The following ATP2B4 variants were observed in gnomAD, a reference collection of about 807,000 sequenced individuals.
ATP2B4 encodes plasma membrane calcium-transporting ATPase 4.
Under a neutral mutation model 110.3 loss-of-function variants are expected in ATP2B4, and 39 were observed. That is an observed-to-expected ratio of 0.35 (90% confidence interval 0.27 to 0.46). ATP2B4 has a LOEUF of 0.46. Ranked by LOEUF, ATP2B4 falls within the 20% of genes least tolerant of loss-of-function variation. The pLI, the probability that ATP2B4 is intolerant of heterozygous loss-of-function variation, is 1.00. For synonymous variants in ATP2B4, 538 were observed against 571.7 expected (o/e 0.94, Z 0.84); for missense variants, 1,135 against 1,530.9 (o/e 0.74, Z 4.32).
intron 8 of ATP2B4, among the ~76,000 whole-genome samples, chr1:203,706,514 G>A (rs769527343): frequency 6.6e-6 from 1 of 152,172 alleles, no homozygotes; most frequent in Non-Finnish European, 1.5e-5. Flanking sequence ...TGATACACTA[G>A]CACCATAGAG....
chr1:203,663,368 C>T (rs1227691678), intron 1 of ATP2B4, among the ~76,000 whole-genome samples: 1 of 152,100 alleles, frequency 6.6e-6, no homozygotes, highest in East Asian at 1.9e-4. Flanking sequence ...CTCCACAACA[C>T]ACCAGGAGGT....
At chr1:203,709,177 G>T (rs1339629768) in intron 10 of ATP2B4, 124 bp from the exon 11 acceptor site, 12 of 1,311,298 alleles carry the variant, frequency 9.2e-6, no homozygotes, top group Non-Finnish European at 1.2e-5. Context: ...AAAAAAAAAT[G>T]TTATTTCCCC....
chr1:203,730,203 C>T (rs1212844506), intron 20 of ATP2B4, among the ~76,000 whole-genome samples: 1 of 134,708 alleles, frequency 7.4e-6, no homozygotes, highest in Admixed American at 7.5e-5. Flanking sequence ...TTTGTTTTTA[C>T]AAGGGATGTT....
intron 1 of ATP2B4, among the ~76,000 whole-genome samples, chr1:203,640,920 G>C (rs1350948071): frequency 1.3e-5 from 2 of 152,194 alleles, no homozygotes; most frequent in East Asian, 3.8e-4. Flanking sequence ...TCGACTAAAT[G>C]CCAGATGCTT....
chr1:203,731,531 A>G (rs1281991752), intron 20 of ATP2B4, among the ~76,000 whole-genome samples: 1 of 152,098 alleles, frequency 6.6e-6, no homozygotes, highest in Non-Finnish European at 1.5e-5. Context: ...GAGTTGATTG[A>G]GGCCCTAGAT....
chr1:203,662,501 T>C (rs1444317694), intron 1 of ATP2B4, among the ~76,000 whole-genome samples: 2 of 152,246 alleles, frequency 1.3e-5, no homozygotes, highest in Admixed American at 6.5e-5. Flanking sequence ...ACCTCCACTC[T>C]ACTTCCTGTC....
intron 1 of ATP2B4, among the ~76,000 whole-genome samples, chr1:203,655,351 G>A (rs1396298770): frequency 7.1e-5 from 1 of 14,122 alleles, no homozygotes; most frequent in African/African-American, 7.8e-5. Context: ...TCATGGGGAT[G>A]TAAAAAAAAA....
At chr1:203,661,644 T>C (rs1664341171) in intron 1 of ATP2B4, among the ~76,000 whole-genome samples, 1 of 152,202 alleles carries the variant, frequency 6.6e-6, no homozygotes, top group Non-Finnish European at 1.5e-5. Context: ...ACTCCCACCA[T>C]TGTCTCCTAC....
At chr1:203,668,901 A>G (rs1664582748) in intron 1 of ATP2B4, among the ~76,000 whole-genome samples, 1 of 152,212 alleles carries the variant, frequency 6.6e-6, no homozygotes, top group Admixed American at 6.6e-5. Flanking sequence ...AGAAGGAGGT[A>G]GGGGAAGGGA....
chr1:203,690,488 G>A lies in ATP2B4; in HGVS notation c.193+7090G>A, dbSNP rs76145314. ...CTTAGAGACCGCTGCTCTAAAGCAC[G>A]GTGGCGTTAGGGGGATGTGGAGGAC... On this transcript the variant is annotated intron_variant, in intron 2 of 20. Coordinates refer to ENST00000357681, the MANE Select transcript of ATP2B4 (RefSeq NM_001684.5). Among the ~76,000 whole-genome samples, 295 of 152,274 alleles carry A rather than the reference G, an allele frequency of 1.9e-3. 6 individuals carry two copies. In the East Asian group the frequency reaches 0.031, roughly 16 times the overall value.
At chr1:203,736,336 C>T (rs1041747050) in intron 20 of ATP2B4, among the ~76,000 whole-genome samples, 8 of 151,998 alleles carry the variant, frequency 5.3e-5, no homozygotes, top group Non-Finnish European at 5.9e-5. Flanking sequence ...AGTGCGGTGG[C>T]GCACGTCTGT....
intron 15 of ATP2B4, among the ~76,000 whole-genome samples, chr1:203,719,107 C>T (rs1341291390): frequency 6.6e-6 from 1 of 151,794 alleles, no homozygotes; most frequent in Non-Finnish European, 1.5e-5. Flanking sequence ...CACCTGTCGT[C>T]CCAGCTACTC....
intron 20 of ATP2B4, 128 bp downstream of exon 20, chr1:203,727,699 C>T (rs892026762): frequency 5.3e-5 from 61 of 1,156,144 alleles, no homozygotes; most frequent in Non-Finnish European, 6.9e-5. Context: ...GATGGGCAGC[C>T]CTAGATCCTC....
At chr1:203,701,981 A>G in intron 6 of ATP2B4, 63 bp from the exon 7 acceptor site, 1 of 1,593,790 alleles carries the variant, frequency 6.3e-7, no homozygotes, top group Non-Finnish European at 8.6e-7. Flanking sequence ...AGGACCAACA[A>G]ATTGGATCTC....
chr1:203,675,532 T>C (rs2102350762), intron 1 of ATP2B4, among the ~76,000 whole-genome samples: 1 of 152,256 alleles, frequency 6.6e-6, no homozygotes, highest in African/African-American at 2.4e-5. Flanking sequence ...CATGCATAGA[T>C]GTAGTTTGAC....
At chr1:203,693,649 T>C (rs1384143050) in intron 2 of ATP2B4, among the ~76,000 whole-genome samples, 1 of 152,204 alleles carries the variant, frequency 6.6e-6, no homozygotes, top group Admixed American at 6.5e-5. Context: ...CTGATGAACC[T>C]GATGGCGATG....
At chr1:203,722,057 G>T (rs772549978) in intron 17 of ATP2B4, among the ~76,000 whole-genome samples, 1 of 152,086 alleles carries the variant, frequency 6.6e-6, no homozygotes, top group Non-Finnish European at 1.5e-5. Flanking sequence ...TGACTCCAGC[G>T]CACATAGTCT....
Position 203,712,173 on chromosome 1 carries a change from C to T in ATP2B4, c.2211+34C>T, listed in dbSNP as rs746079831. 3.7e-6 allele frequency: 6 copies of T among 1,603,864 alleles called. No homozygotes were observed. In the South Asian group the frequency reaches 6.7e-5, roughly 18 times the overall value. ...TGGCTAGGGGGAACCAGGACCTCAC[C>T]TGACAAGGAAAAGGCGGGTTCTAGC... On this transcript the variant is annotated intron_variant, in intron 13 of 20. Coordinates refer to ENST00000357681, the MANE Select transcript of ATP2B4 (RefSeq NM_001684.5).
At chr1:203,679,112 C>T (rs981674647) in intron 1 of ATP2B4, among the ~76,000 whole-genome samples, 21 of 152,032 alleles carry the variant, frequency 1.4e-4, no homozygotes, top group Non-Finnish European at 2.8e-4. Context: ...ACATACCTTA[C>T]CGAGAATGCC....
Sources: allele counts gnomAD v4.1 joint callset (sites outside exome capture counted in the v4.1 genomes callset), GRCh38; gene constraint gnomAD v4.1.1; transcripts MANE v1.5; gene names NCBI Gene and HGNC (gene_info 2026-07-23, HGNC 2026-07-21).